The following VPS13C variants were observed in gnomAD, a reference collection of about 807,000 sequenced individuals.
The protein encoded by VPS13C is vacuolar protein sorting 13 homolog C.
Under a neutral mutation model 456.8 loss-of-function variants are expected in VPS13C, and 358 were observed. That is an observed-to-expected ratio of 0.78 (90% CI 0.72 to 0.86). VPS13C has a LOEUF of 0.86. Ranked by LOEUF, VPS13C falls within the 40% of genes least tolerant of loss-of-function variation. VPS13C has a pLI of 0.00. For missense variants in VPS13C, 4,818 were observed against 4,385.4 expected, an observed-to-expected ratio of 1.10 and a Z score of -2.79; for synonymous variants, 1,578 against 1,486.7, an observed-to-expected ratio of 1.06 and a Z score of -1.41.
chr15:61,922,098 A>G, intron 54 of VPS13C, 65 bp from the exon 55 acceptor site: 2 of 1,509,200 alleles, frequency 1.3e-6, no homozygotes, highest in South Asian at 1.2e-5. Context: ...TCTGTAACCA[A>G]TAGGGAAATT....
At chr15:61,957,041 G>A (rs1279152040) in intron 37 of VPS13C, among the ~76,000 whole-genome samples, 1 of 151,916 alleles carries the variant, frequency 6.6e-6, no homozygotes, top group Admixed American at 6.6e-5. Flanking sequence ...GCTAAAAACT[G>A]GAAACAACCT....
chr15:62,049,518 G>C (rs1474454514), intron 1 of VPS13C, among the ~76,000 whole-genome samples: 4 of 152,206 alleles, frequency 2.6e-5, no homozygotes, highest in Admixed American at 6.5e-5. Flanking sequence ...TTGCAATATA[G>C]TTTGAAGTCA....
At chr15:62,048,569 A>T (rs1044204917) in intron 1 of VPS13C, among the ~76,000 whole-genome samples, 31 of 150,790 alleles carry the variant, frequency 2.1e-4, no homozygotes, top group South Asian at 4.2e-4. Flanking sequence ...AACATATGTG[A>T]GCATGTGTCT....
At chr15:62,025,912 T>A (rs1335447363) in intron 6 of VPS13C, among the ~76,000 whole-genome samples, 1 of 151,368 alleles carries the variant, frequency 6.6e-6, no homozygotes, top group East Asian at 2.0e-4. Context: ...AAATAGGCCA[T>A]TACATAATAA....
chr15:61,948,947 T>C (rs754230513), intron 42 of VPS13C, among the ~76,000 whole-genome samples: 2 of 152,342 alleles, frequency 1.3e-5, no homozygotes, highest in Middle Eastern at 3.4e-3. Flanking sequence ...CTGAGGACCC[T>C]GTGCCCATAT....
rs569469468 is a variant in VPS13C, at chr15:61,991,078, C to A, written c.1500G>T (p.Met500Ile). The A allele has an allele frequency of 8.7e-6, 14 of 1,609,152 alleles. No homozygotes were observed. In the African/African-American group the frequency reaches 1.6e-4, roughly 18 times the overall value. Residue 500 changes from methionine to isoleucine, a missense_variant, in exon 18 of 85, where the codon ATG becomes ATT. Met to Ile is a conservative substitution (Grantham distance 10). Around this residue, in one of 3 missense-constraint regions of VPS13C, gnomAD observed 4,552 missense variants for 4,130.6 expected, o/e 1.10. Coordinates refer to ENST00000644861, the MANE Select transcript of VPS13C (RefSeq NM_020821.3). Reference sequence around the variant, plus strand: ...AGAGTTTATCTTTTTCCTCTGGAGTCATAAGGTCATCAATAGCTATGAAAA... The same window carrying A: ...AGAGTTTATCTTTTTCCTCTGGAGTAATAAGGTCATCAATAGCTATGAAAA... The part of the protein sequence containing the change: ...SLIPETIDDL[M>I]TPEEKDKLFT...
chr15:61,896,414 C>G (rs1382911288), intron 66 of VPS13C, among the ~76,000 whole-genome samples: 1 of 152,196 alleles, frequency 6.6e-6, no homozygotes, highest in East Asian at 1.9e-4. Flanking sequence ...CGAGCCGAAG[C>G]AGGGTGAGGC....
intron 1 of VPS13C, among the ~76,000 whole-genome samples, chr15:62,051,088 A>G (rs1952952516): frequency 6.6e-6 from 1 of 152,202 alleles, no homozygotes; most frequent in African/African-American, 2.4e-5. Context: ...AAATAAATGT[A>G]AGAAATATAG....
At chr15:61,924,027 G>A (rs1348293061) in intron 53 of VPS13C, among the ~76,000 whole-genome samples, 6 of 150,358 alleles carry the variant, frequency 4.0e-5, no homozygotes, top group African/African-American at 1.2e-4. Flanking sequence ...CACTACGCCC[G>A]GCTAATTTTT....
rs748393538 is a variant in VPS13C, at chr15:62,013,074, T to C, written c.790A>G (p.Ser264Gly). Residue 264 changes from serine (S) to glycine (G), a missense_variant, in exon 11 of 85, where the codon AGC becomes GGC. Ser to Gly is a moderately conservative substitution (Grantham distance 56, BLOSUM62 0). Coordinates refer to ENST00000644861, the MANE Select transcript of VPS13C (RefSeq NM_020821.3). ...SLSAYWNVNC[S>G]MSYQRSREQI... is the part of the protein sequence containing the mutation. ...TCCCTTGATCTCTGGTAAGACATGC[T>C]GCAATTTACATTCCAGTAGGCGCTA... 6.2e-7 allele frequency: 1 copy of C among 1,611,302 alleles called. No individual in the cohort carries two copies. The highest frequency in any genetic ancestry group is 1.1e-5 in the South Asian group (1 of 90,758).
chr15:61,869,081 T>C (rs1015022362), intron 80 of VPS13C, among the ~76,000 whole-genome samples: 4 of 151,902 alleles, frequency 2.6e-5, no homozygotes, highest in African/African-American at 9.7e-5. Context: ...AAGAGAAATT[T>C]AGCCATAAAA....
At position 62,006,638 on chromosome 15, in the gene VPS13C, T is replaced by A. The variant is rs1451113512; in HGVS notation, c.1290+670A>T. ...CATACCCAGTAACGGGATGGCTGGGTCAAATGGTATTTCTAGTTCTGGATC... is the reference window on the plus strand; with the variant it reads ...CATACCCAGTAACGGGATGGCTGGGACAAATGGTATTTCTAGTTCTGGATC... On this transcript the variant is annotated intron_variant, in intron 15 of 84. Transcript: ENST00000644861. Among the ~76,000 whole-genome samples, 4 of 152,218 alleles carry A rather than the reference T, an allele frequency of 2.6e-5. No homozygotes were observed. In the South Asian group the frequency reaches 8.3e-4, roughly 32 times the overall value.
rs749057652 is a variant in VPS13C, at chr15:61,977,182, A to C, written c.2308T>G (p.Cys770Gly). 3.2e-6 allele frequency: 5 copies of C among 1,555,064 alleles called. No homozygotes were observed. Among genetic ancestry groups the C allele is most frequent in the Non-Finnish European group, 4.3e-6 (5 of 1,155,388 alleles). The change falls in exon 24 of 85, where the codon TGT (cysteine) becomes GGT (glycine). Residue 770 changes from cysteine to glycine, a missense_variant. Cys to Gly is a radical substitution (Grantham distance 159, BLOSUM62 -3). Coordinates refer to ENST00000644861, the MANE Select transcript of VPS13C (RefSeq NM_020821.3). ...ATAGTTGATGGATGCTGAAATCGAC[A>C]CTTTTTCCAGGTTTCCTCTTTAAAA... ...FARAEETWKK[C>G]RFQHPSTMHI...
At position 61,896,292 on chromosome 15, in the gene VPS13C, G is replaced by C. The variant is rs946098825; in HGVS notation, c.9106-5892C>G. 2.6e-5 allele frequency among the ~76,000 whole-genome samples: 4 copies of C among 152,220 alleles called. No individual in the cohort carries two copies. In the South Asian group the frequency reaches 6.2e-4, roughly 24 times the overall value. ...ACAGCTCCGGTCTACAGCTCACAGCGTGAGCGACACAGAAGACGGGTGATT... is the reference window on the plus strand; with the variant it reads ...ACAGCTCCGGTCTACAGCTCACAGCCTGAGCGACACAGAAGACGGGTGATT... On this transcript the variant is annotated intron_variant, in intron 66 of 84. Coordinates refer to ENST00000644861, the MANE Select transcript of VPS13C (RefSeq NM_020821.3).
chr15:62,042,069 G>A (rs1291725471), intron 2 of VPS13C, among the ~76,000 whole-genome samples: 1 of 152,000 alleles, frequency 6.6e-6, no homozygotes, highest in Non-Finnish European at 1.5e-5. Context: ...AAACATTACT[G>A]AACAACAGTT....
chr15:61,874,097 A>G (rs1027157265), intron 77 of VPS13C, among the ~76,000 whole-genome samples: 7 of 152,188 alleles, frequency 4.6e-5, no homozygotes, highest in Middle Eastern at 3.4e-3. Flanking sequence ...CAAATACTGC[A>G]TGTTCTCATT....
intron 63 of VPS13C, 80 bp downstream of exon 63, chr15:61,911,760 G>A (rs1425542829): frequency 2.5e-6 from 3 of 1,200,326 alleles, no homozygotes; most frequent in Non-Finnish European, 3.3e-6. Flanking sequence ...GTCTGAAAAA[G>A]AGGTATATAC....
In VPS13C at chr15:61,884,156, C is replaced by G; in HGVS notation, c.9455G>C (p.Gly3152Ala). Reference sequence around the variant, plus strand: ...AAAATTATTATCTAGCTTAATCCAGCCATGGTCTCTTGATATTTGATGTTT... The same window carrying G: ...AAAATTATTATCTAGCTTAATCCAGGCATGGTCTCTTGATATTTGATGTTT... ...YQKHQISRDH[G>A]WIKLDNNFEV... The change falls in exon 68 of 85, where the codon GGC (glycine) becomes GCC (alanine). Residue 3152 changes from glycine (G) to alanine (A), a missense_variant. Physicochemically the swap from Gly to Ala is moderately conservative, Grantham distance 60. This residue lies in a region of VPS13C where 4,552 missense variants were observed against 4,130.6 expected (regional missense o/e 1.10). Coordinates refer to ENST00000644861, the MANE Select transcript of VPS13C (RefSeq NM_020821.3). 1.2e-6 allele frequency: 2 copies of G among 1,600,874 alleles called. No individual in the cohort carries two copies. The highest frequency in any genetic ancestry group is 1.7e-6 in the Non-Finnish European group (2 of 1,175,168).
intron 3 of VPS13C, among the ~76,000 whole-genome samples, chr15:62,039,246 T>C (rs539191615): frequency 6.6e-6 from 1 of 152,176 alleles, no homozygotes; most frequent in African/African-American, 2.4e-5. Flanking sequence ...TGCAATAGTA[T>C]GCAGCCATAA....
Sources: allele counts gnomAD v4.1 joint callset (sites outside exome capture counted in the v4.1 genomes callset), GRCh38; gene constraint gnomAD v4.1.1; regional missense constraint gnomAD v4.1.1; transcripts MANE v1.5; gene names NCBI Gene and HGNC (gene_info 2026-07-23, HGNC 2026-07-21).